KDM4C: variants seen among roughly 807,000 people sequenced by gnomAD.
The protein encoded by KDM4C is lysine-specific demethylase 4C.
A neutral mutation model predicts 129.3 loss-of-function variants in KDM4C; 81 were observed. That is an observed-to-expected ratio of 0.63 (90% CI 0.52 to 0.75). The LOEUF is 0.75. KDM4C is among the 30% of genes least tolerant of loss of function. The pLI is 0.00. For synonymous variants in KDM4C, 573 were observed against 456.1 expected, an observed-to-expected ratio of 1.26 and a Z score of -3.26; for missense variants, 1,457 against 1,304.0, an observed-to-expected ratio of 1.12 and a Z score of -1.81.
Position 6,782,403 on chromosome 9 carries a change from C to T in KDM4C, c.-17-10569C>T, listed in dbSNP as rs1824548092. Among the ~76,000 whole-genome samples the T allele has an allele frequency of 3.9e-5, 6 of 152,272 alleles. No homozygotes were observed. The South Asian group carries it at 1.2e-3, about 32-fold the overall frequency. On this transcript the variant is annotated intron_variant, in intron 1 of 21. Coordinates refer to ENST00000381309, the MANE Select transcript of KDM4C (RefSeq NM_015061.6). Reference sequence around the variant, plus strand: ...ATTTCCCATCTTCTGCTCCTACTAACTTGGGACCTTGAGCAAGCATTTTAT... The same window carrying T: ...ATTTCCCATCTTCTGCTCCTACTAATTTGGGACCTTGAGCAAGCATTTTAT...
At chr9:7,076,435 G>A in intron 17 of KDM4C, 2 of 1,547,464 alleles carry the variant, frequency 1.3e-6, no homozygotes, top group Non-Finnish European at 1.7e-6. Context: ...GTTTTTCAGG[G>A]AAGGCTGGGA....
chr9:7,091,116 A>T (rs1835746922), intron 17 of KDM4C, among the ~76,000 whole-genome samples: 1 of 152,166 alleles, frequency 6.6e-6, no homozygotes, highest in Non-Finnish European at 1.5e-5. Context: ...TCTTCTGTTG[A>T]GTTCATGAAT....
intron 8 of KDM4C, among the ~76,000 whole-genome samples, chr9:6,944,659 T>G (rs1056939514): frequency 1.3e-4 from 18 of 141,350 alleles, no homozygotes; most frequent in African/African-American, 4.6e-4. Context: ...GAGGTTTTTT[T>G]TTTTTTTTTT....
intron 17 of KDM4C, among the ~76,000 whole-genome samples, chr9:7,083,641 C>T (rs1834787367): frequency 6.6e-6 from 1 of 151,652 alleles, no homozygotes; most frequent in Non-Finnish European, 1.5e-5. Context: ...TTAGGTATTA[C>T]AATCTTATGG....
intron 17 of KDM4C, among the ~76,000 whole-genome samples, chr9:7,090,516 T>A (rs866988009): frequency 2.0e-5 from 3 of 152,144 alleles, no homozygotes; most frequent in Non-Finnish European, 4.4e-5. Flanking sequence ...AAAAAATAAT[T>A]CCTCTGGTGC....
intron 6 of KDM4C, among the ~76,000 whole-genome samples, chr9:6,883,841 G>A (rs1293830157): frequency 6.6e-6 from 1 of 152,112 alleles, no homozygotes; most frequent in African/African-American, 2.4e-5. Context: ...AGTCCTTGGT[G>A]ACTTGTGCGT....
At chr9:7,135,757 C>CT (rs1841136247) in intron 19 of KDM4C, among the ~76,000 whole-genome samples, 1 of 152,210 alleles carries the variant, frequency 6.6e-6, no homozygotes, top group African/African-American at 2.4e-5. Context: ...ACTTTTTCAG[C>CT]TATGGGATCT....
chr9:7,060,964 C>G (rs946735475), intron 17 of KDM4C, among the ~76,000 whole-genome samples: 6 of 152,212 alleles, frequency 3.9e-5, no homozygotes, highest in African/African-American at 1.4e-4. Flanking sequence ...CCAAATTCAA[C>G]CATCTTTGTC....
At chr9:6,864,542 C>A (rs1466967683) in intron 5 of KDM4C, among the ~76,000 whole-genome samples, 1 of 149,100 alleles carries the variant, frequency 6.7e-6, no homozygotes, top group African/African-American at 2.5e-5. Flanking sequence ...GTGATCTCGG[C>A]TCACAGTAAC....
At chr9:6,962,170 T>C (rs1183101764) in intron 8 of KDM4C, among the ~76,000 whole-genome samples, 1 of 152,182 alleles carries the variant, frequency 6.6e-6, no homozygotes, top group East Asian at 1.9e-4. Context: ...TGATTAGGCA[T>C]GTATGTACAC....
At chr9:6,760,540 TTTTTTATTTATTTA>T (rs1286177819) in intron 1 of KDM4C, among the ~76,000 whole-genome samples, 5 of 144,498 alleles carry the variant, frequency 3.5e-5, no homozygotes, top group African/African-American at 7.8e-5. Flanking sequence ...GGTGATACTC[TTTTTTATTTATTTA>T]TTTATTTATT....
chr9:6,846,643 C>G (rs1378114973), intron 4 of KDM4C, among the ~76,000 whole-genome samples: 2 of 152,086 alleles, frequency 1.3e-5, no homozygotes, highest in African/African-American at 4.8e-5. Flanking sequence ...TTTTAGCAAC[C>G]TTGCCTTGCT....
chr9:7,051,285 G>A (rs984078195), intron 17 of KDM4C, among the ~76,000 whole-genome samples: 2 of 152,172 alleles, frequency 1.3e-5, no homozygotes, highest in Admixed American at 1.3e-4. Flanking sequence ...GGCAATGACT[G>A]AAAGTCTGGA....
At chr9:6,800,369 A>G (rs1828701985) in intron 2 of KDM4C, among the ~76,000 whole-genome samples, 1 of 151,894 alleles carries the variant, frequency 6.6e-6, no homozygotes, top group African/African-American at 2.4e-5. Flanking sequence ...CATCTCAAAA[A>G]GCAAACAAAC....
rs77187752 is a variant in KDM4C at position 6,958,961 on chromosome 9, A to G, written c.922-21964A>G. Among the ~76,000 whole-genome samples the G allele has an allele frequency of 2.5e-3, 381 of 152,254 alleles. 1 individual carries two copies. Among genetic ancestry groups the G allele is most frequent in the African/African-American group, 8.7e-3 (361 of 41,542 alleles). ...CCATGCCCAGCCTATGTGTAATGTT[A>G]TGATAATATTATTAGAGCACAGATG... On this transcript the variant is annotated intron_variant, in intron 8 of 21. Transcript: ENST00000381309.
At chr9:6,997,456 A>G (rs1466475354) in intron 12 of KDM4C, among the ~76,000 whole-genome samples, 1 of 152,232 alleles carries the variant, frequency 6.6e-6, no homozygotes, top group Non-Finnish European at 1.5e-5. Context: ...GAAGGGCAAT[A>G]TGATAGAAGA....
At chr9:7,096,089 T>C (rs1836400409) in intron 17 of KDM4C, among the ~76,000 whole-genome samples, 1 of 152,262 alleles carries the variant, frequency 6.6e-6, no homozygotes, top group South Asian at 2.1e-4. Flanking sequence ...TCTCTGTATG[T>C]TATAATTGTG....
At chr9:6,939,533 G>T (rs759689628) in intron 8 of KDM4C, among the ~76,000 whole-genome samples, 13 of 152,168 alleles carry the variant, frequency 8.5e-5, no homozygotes, top group Non-Finnish European at 1.6e-4. Flanking sequence ...AGTCCCTGGT[G>T]CCAGAAAGAA....
chr9:6,990,274 A>G, intron 11 of KDM4C, 142 bp from the exon 12 acceptor site: 1 of 640,444 alleles, frequency 1.6e-6, no homozygotes. Context: ...TAAATTTCTT[A>G]AAGGACTAGT....
Sources: allele counts gnomAD v4.1 joint callset (sites outside exome capture counted in the v4.1 genomes callset), GRCh38; gene constraint gnomAD v4.1.1; transcripts MANE v1.5; gene names NCBI Gene and HGNC (gene_info 2026-07-23, HGNC 2026-07-21).